The following ABCA4 variants were observed in gnomAD, a reference collection of about 807,000 sequenced individuals.
ABCA4 encodes retinal-specific phospholipid-transporting ATPase ABCA4.
ABCA4 carries 196 observed loss-of-function variants against 263.7 expected under a neutral mutation model. That is an observed-to-expected ratio of 0.74 (90% CI 0.66 to 0.84). The LOEUF is 0.84. Among genes scored for constraint, ABCA4 ranks in the 40% least tolerant of loss-of-function variants. The pLI is 0.00. For missense variants in ABCA4, 2,792 were observed against 2,855.1 expected, an observed-to-expected ratio of 0.98 and a Z score of 0.50; for synonymous variants, 1,133 against 1,094.2, an observed-to-expected ratio of 1.04 and a Z score of -0.70.
At chr1:93,995,993 G>T (rs1364857965) in intron 49 of ABCA4, 116 bp downstream of exon 49, 3 of 862,518 alleles carry the variant, frequency 3.5e-6, no homozygotes, top group Non-Finnish European at 3.8e-6. Flanking sequence ...TGGTGTGGGT[G>T]GGGCTCTCTG....
At position 94,021,699 on chromosome 1, in the gene ABCA4, C is replaced by G. The variant is rs1216892888; in HGVS notation, c.4789G>C (p.Glu1597Gln). The G allele has an allele frequency of 6.2e-7, 1 of 1,613,364 alleles. No individual in the cohort carries two copies. The highest frequency in any genetic ancestry group is 1.7e-5 in the Admixed American group (1 of 59,942). The change falls in exon 34 of 50, where the codon GAG becomes CAG. Residue 1597 changes from glutamate (E) to glutamine (Q), a missense_variant. By Grantham distance (29) the Glu-to-Gln change is conservative (BLOSUM62 2). Coordinates refer to ENST00000370225, the MANE Select transcript of ABCA4 (RefSeq NM_000350.3). Reference sequence around the variant, plus strand: ...AAATCAGGTATTTCTTTAGAGGCCTCTCTAGTGATAGGGCCCTAAAAACCA... The same window carrying G: ...AAATCAGGTATTTCTTTAGAGGCCTGTCTAGTGATAGGGCCCTAAAAACCA... ...MNVSGGPITREASKEIPDFLK... is the reference protein window; with the variant it reads ...MNVSGGPITRQASKEIPDFLK...
At chr1:94,058,730 C>T (rs1661045376) in intron 14 of ABCA4, among the ~76,000 whole-genome samples, 1 of 152,262 alleles carries the variant, frequency 6.6e-6, no homozygotes, top group South Asian at 2.1e-4. Context: ...GGACCACAAA[C>T]TTCTAGGACT....
chr1:94,065,593 C>T (rs988288449), intron 11 of ABCA4, among the ~76,000 whole-genome samples: 2 of 152,238 alleles, frequency 1.3e-5, no homozygotes, highest in Non-Finnish European at 2.9e-5. Flanking sequence ...TCTTGGGCCT[C>T]CTGAACTAAA....
chr1:94,120,159 C>T (rs1013311950), intron 1 of ABCA4, among the ~76,000 whole-genome samples: 1 of 152,220 alleles, frequency 6.6e-6, no homozygotes, highest in Non-Finnish European at 1.5e-5. Context: ...TTGGTGTTCT[C>T]TGATCTCCGG....
intron 44 of ABCA4, among the ~76,000 whole-genome samples, chr1:94,004,288 C>G (rs1006922984): frequency 6.6e-6 from 1 of 152,240 alleles, no homozygotes; most frequent in African/African-American, 2.4e-5. Context: ...TCCATGACCT[C>G]ACAGTTCTTT....
chr1:94,034,149 T>G (rs1008651102), intron 26 of ABCA4, among the ~76,000 whole-genome samples: 2 of 152,180 alleles, frequency 1.3e-5, no homozygotes, highest in African/African-American at 2.4e-5. Context: ...TAGGCATAAT[T>G]GAAATCTGTC....
intron 6 of ABCA4, among the ~76,000 whole-genome samples, chr1:94,094,095 C>G (rs916763432): frequency 6.6e-6 from 1 of 152,182 alleles, no homozygotes; most frequent in Non-Finnish European, 1.5e-5. Flanking sequence ...GTCATGACAT[C>G]AAGTCATTAG....
chr1:94,069,305 A>G (rs1661349047), intron 11 of ABCA4, among the ~76,000 whole-genome samples: 1 of 152,242 alleles, frequency 6.6e-6, no homozygotes, highest in African/African-American at 2.4e-5. Context: ...AATGATGTCC[A>G]GTAGAGGCAG....
intron 19 of ABCA4, 112 bp from the exon 20 acceptor site, chr1:94,044,856 TGTCA>T: frequency 4.5e-6 from 7 of 1,557,280 alleles, no homozygotes; most frequent in South Asian, 3.4e-5. Flanking sequence ...TGCCTGGGGC[TGTCA>T]GTCAAACTCA....
chr1:94,066,675 G>T (rs868847818), intron 11 of ABCA4, among the ~76,000 whole-genome samples: 1 of 152,240 alleles, frequency 6.6e-6, no homozygotes, highest in Non-Finnish European at 1.5e-5. Flanking sequence ...GCCTGCATCC[G>T]TGTCTTCAGT....
rs1557778526 is a variant in ABCA4, at chr1:94,043,372, G to A, written c.3154C>T (p.His1052Tyr). ...MEAMLEDTGLHHKRNEEAQDL... is the reference protein window; with the variant it reads ...MEAMLEDTGLYHKRNEEAQDL... ...TGAGCCTCTTCATTCCGCTTGTGGT[G>A]GAGGCCTGTGTCCTCCAACATGGCT... Residue 1052 changes from histidine (H) to tyrosine (Y), a missense_variant, in exon 21 of 50, where the codon CAC (histidine) becomes TAC (tyrosine). Transcript: ENST00000370225. 1.2e-6 allele frequency: 2 copies of A among 1,614,118 alleles called. No homozygotes were observed. Among genetic ancestry groups the A allele is most frequent in the East Asian group, 2.2e-5 (1 of 44,874 alleles).
At chr1:94,086,808 C>T (rs1477508944) in intron 6 of ABCA4, among the ~76,000 whole-genome samples, 5 of 152,196 alleles carry the variant, frequency 3.3e-5, no homozygotes, top group Non-Finnish European at 7.3e-5. Flanking sequence ...GAACACCCTG[C>T]CCCAAATGGT....
At chr1:94,114,143 TC>T (rs1390533335) in intron 1 of ABCA4, among the ~76,000 whole-genome samples, 1 of 152,216 alleles carries the variant, frequency 6.6e-6, no homozygotes, top group Non-Finnish European at 1.5e-5. Flanking sequence ...TTTGTTGTTT[TC>T]CTCTCAAAGA....
intron 19 of ABCA4, among the ~76,000 whole-genome samples, chr1:94,045,464 C>T (rs1307234437): frequency 6.6e-6 from 1 of 151,980 alleles, no homozygotes; most frequent in African/African-American, 2.4e-5. Flanking sequence ...TAGTATTAAA[C>T]ATTGTTTTAA....
At chr1:94,061,329 C>G (rs1216822945) in intron 13 of ABCA4, 1 of 169,082 alleles carries the variant, frequency 5.9e-6, no homozygotes, top group East Asian at 1.6e-4. Context: ...TATCCAACAG[C>G]CACTGGACCC....
rs772085086 is a variant in ABCA4, at chr1:94,023,443, A to T, written c.4635-25T>A. On this transcript the variant is annotated intron_variant, in intron 31 of 49. Coordinates refer to ENST00000370225, the MANE Select transcript of ABCA4 (RefSeq NM_000350.3). The stretch of plus-strand genomic sequence containing the variant: ...GCTGAAAGCCAAAATAAAATAATGC[A>T]ATGAATACCACAAGTACAGCAGTGC... The T allele has an allele frequency of 1.4e-5, 23 of 1,586,996 alleles. No homozygotes were observed. In the African/African-American group the frequency reaches 2.3e-4, roughly 16 times the overall value.
At chr1:94,034,883 T>C (rs551181810) in intron 26 of ABCA4, among the ~76,000 whole-genome samples, 1 of 152,342 alleles carries the variant, frequency 6.6e-6, no homozygotes, top group East Asian at 1.9e-4. Flanking sequence ...GATCGTATAC[T>C]GTGTTATAAG....
At chr1:94,079,610 A>C (rs1185662665) in intron 8 of ABCA4, 149 bp from the exon 9 acceptor site, 2 of 1,149,512 alleles carry the variant, frequency 1.7e-6, no homozygotes, top group African/African-American at 3.1e-5. Flanking sequence ...TACCCCACCA[A>C]TAACAAGCTC....
chr1:94,096,293 G>A (rs1662122848), intron 6 of ABCA4, among the ~76,000 whole-genome samples: 1 of 152,286 alleles, frequency 6.6e-6, no homozygotes, highest in Middle Eastern at 3.4e-3. Context: ...AATCACTGGG[G>A]AAGCTTCTAA....
Sources: allele counts gnomAD v4.1 joint callset (sites outside exome capture counted in the v4.1 genomes callset), GRCh38; gene constraint gnomAD v4.1.1; transcripts MANE v1.5; gene names NCBI Gene and HGNC (gene_info 2026-07-23, HGNC 2026-07-21).